The following DNM3 variants were observed in gnomAD, a reference collection of about 807,000 sequenced individuals.
DNM3 encodes dynamin 3, also known as dynamin-3.
In DNM3, 47 loss-of-function variants were observed where a neutral mutation model predicts 101.6. The ratio of observed to expected loss-of-function variants is 0.46; its 90% CI spans 0.37 to 0.59. DNM3 has a LOEUF of 0.59. Ranked by LOEUF, DNM3 falls within the 20% of genes least tolerant of loss-of-function variation. DNM3 has a pLI of 0.00. For missense variants in DNM3, 849 were observed against 1,085.7 expected, an observed-to-expected ratio of 0.78 and a Z score of 3.06; for synonymous variants, 385 against 387.9, an observed-to-expected ratio of 0.99 and a Z score of 0.09.
intron 2 of DNM3, among the ~76,000 whole-genome samples, chr1:171,983,253 G>T (rs530929421): frequency 6.6e-6 from 1 of 151,748 alleles, no homozygotes; most frequent in Admixed American, 6.6e-5. Flanking sequence ...CCAAGAGGTC[G>T]AGACCAGCCC....
chr1:172,009,002 A>T (rs1326703153), intron 4 of DNM3, among the ~76,000 whole-genome samples: 2 of 108,652 alleles, frequency 1.8e-5, no homozygotes, highest in African/African-American at 1.1e-4. Flanking sequence ...ACTTATTTAT[A>T]TATAACATGC....
intron 13 of DNM3, among the ~76,000 whole-genome samples, chr1:172,117,041 A>G (rs1244177738): frequency 6.6e-6 from 1 of 152,044 alleles, no homozygotes; most frequent in Non-Finnish European, 1.5e-5. Flanking sequence ...CCCTGTCTCT[A>G]CTAAAAATAC....
chr1:172,369,076 C>A (rs2068182489), intron 17 of DNM3, among the ~76,000 whole-genome samples: 1 of 151,912 alleles, frequency 6.6e-6, no homozygotes. Flanking sequence ...AACACCAATT[C>A]TTCTCAAACT....
At chr1:171,928,670 T>C (rs2040768108) in intron 2 of DNM3, among the ~76,000 whole-genome samples, 2 of 152,112 alleles carry the variant, frequency 1.3e-5, no homozygotes, top group Non-Finnish European at 2.9e-5. Flanking sequence ...GCAAGGGTAG[T>C]TCCACTGCAG....
Position 172,364,586 on chromosome 1 carries a change from A to C in DNM3, c.1894-14432A>C, listed in dbSNP as rs113473040. ...AGAAATAGAGAGATGGAGAAGTCTG[A>C]AGATTAAAATAGCCATAACAGAAAT... On this transcript the variant is annotated intron_variant, in intron 17 of 20. Coordinates refer to ENST00000627582, the MANE Select transcript of DNM3 (RefSeq NM_015569.5). 2.5e-3 allele frequency among the ~76,000 whole-genome samples: 378 copies of C among 152,014 alleles called. 1 individual carries two copies. Among genetic ancestry groups the C allele is most frequent in the African/African-American group, 8.7e-3 (361 of 41,512 alleles).
chr1:172,330,715 C>T (rs1393627097), intron 17 of DNM3, among the ~76,000 whole-genome samples: 1 of 151,664 alleles, frequency 6.6e-6, no homozygotes, highest in Non-Finnish European at 1.5e-5. Flanking sequence ...GAGGAAGATA[C>T]TTAAATAGAG....
At chr1:171,966,239 G>A (rs747046932) in intron 2 of DNM3, among the ~76,000 whole-genome samples, 33 of 152,272 alleles carry the variant, frequency 2.2e-4, no homozygotes, top group Admixed American at 3.3e-4. Flanking sequence ...CCCTGATGGT[G>A]CCCAGTCTAC....
chr1:172,135,321 G>A (rs1028293513), intron 14 of DNM3, among the ~76,000 whole-genome samples: 2 of 152,008 alleles, frequency 1.3e-5, no homozygotes, highest in African/African-American at 4.8e-5. Flanking sequence ...TTGAATGAAG[G>A]TGTCATTGAG....
At chr1:172,232,879 A>G (rs1390409040) in intron 14 of DNM3, among the ~76,000 whole-genome samples, 1 of 152,232 alleles carries the variant, frequency 6.6e-6, no homozygotes, top group Non-Finnish European at 1.5e-5. Context: ...TCTGGGACAC[A>G]TTTAAAGCAG....
intron 9 of DNM3, among the ~76,000 whole-genome samples, chr1:172,046,210 G>C (rs900036607): frequency 3.3e-5 from 5 of 152,092 alleles, no homozygotes; most frequent in Admixed American, 3.3e-4. Flanking sequence ...ATACACCATG[G>C]AATACTATGC....
chr1:172,194,519 A>G (rs2059872787), intron 14 of DNM3, among the ~76,000 whole-genome samples: 1 of 152,000 alleles, frequency 6.6e-6, no homozygotes, highest in South Asian at 2.1e-4. Flanking sequence ...GTCTCTAAGG[A>G]CTTGCTTTAT....
At chr1:172,111,144 A>G (rs999882375) in intron 13 of DNM3, among the ~76,000 whole-genome samples, 1 of 152,270 alleles carries the variant, frequency 6.6e-6, no homozygotes, top group Admixed American at 6.5e-5. Flanking sequence ...CAATTAGAGC[A>G]AACCACTGAA....
intron 9 of DNM3, 141 bp from the exon 10 acceptor site, chr1:172,048,470 AT>A: frequency 2.3e-6 from 2 of 887,116 alleles, no homozygotes; most frequent in Non-Finnish European, 3.2e-6. Context: ...CCACATAAAC[AT>A]TTTGGGCACT....
rs1007741351 is a variant in DNM3 at position 172,409,296 on chromosome 1, C to A, written c.*1455C>A. 1.0e-6 allele frequency: 1 copy of A among 985,182 alleles called. No homozygotes were observed. Among genetic ancestry groups the A allele is most frequent in the Non-Finnish European group, 1.2e-6 (1 of 829,842 alleles). The allele number at this position is 985,182 out of a possible 1,614,324, so 61.0% of individuals were successfully genotyped here. The stretch of plus-strand genomic sequence containing the variant: ...CTGAAATGTCTCCCTTTGAAAGTAG[C>A]AAACATGATTTGTATGTTAACTTAA... On this transcript the variant is annotated 3_prime_UTR_variant, in exon 21 of 21. Coordinates refer to ENST00000627582, the MANE Select transcript of DNM3 (RefSeq NM_015569.5).
intron 16 of DNM3, 94 bp from the exon 17 acceptor site, chr1:172,323,234 TA>T: frequency 7.8e-7 from 1 of 1,284,984 alleles, no homozygotes; most frequent in Non-Finnish European, 1.1e-6. Context: ...TTTTTTTTAA[TA>T]TCCAGAGAAA....
At chr1:171,931,226 T>C (rs898334453) in intron 2 of DNM3, among the ~76,000 whole-genome samples, 1 of 152,188 alleles carries the variant, frequency 6.6e-6, no homozygotes, top group African/African-American at 2.4e-5. Flanking sequence ...AAGATGGCAA[T>C]GCCTTAAAAA....
intron 14 of DNM3, among the ~76,000 whole-genome samples, chr1:172,242,442 G>C (rs1027198781): frequency 1.4e-4 from 22 of 152,046 alleles, no homozygotes; most frequent in African/African-American, 5.1e-4. Context: ...CAATTGTCTT[G>C]TGTACTTCTG....
At chr1:172,065,794 T>G (rs191625872) in intron 10 of DNM3, among the ~76,000 whole-genome samples, 84 of 152,304 alleles carry the variant, frequency 5.5e-4, no homozygotes, top group Non-Finnish European at 8.8e-5. Flanking sequence ...CTATATCCAC[T>G]GTTGAAATAT....
Position 172,081,843 on chromosome 1 carries a change from G to A in DNM3, c.1434G>A (p.Leu478=). 1 of 1,612,322 alleles carries A rather than the reference G, an allele frequency of 6.2e-7. No individual in the cohort carries two copies. The stretch of plus-strand genomic sequence containing the variant: ...TCTTTGACTTATAGGTATTGCTATT[G>A]ATTGACATTCAAGTCTCTTACATCA... ...EGKTKDQVLL[L]IDIQVSYINT... Residue 478 remains leucine, a synonymous_variant, in exon 12 of 21, where the codon TTG becomes TTA. Coordinates refer to ENST00000627582, the MANE Select transcript of DNM3 (RefSeq NM_015569.5).
Sources: allele counts gnomAD v4.1 joint callset (sites outside exome capture counted in the v4.1 genomes callset), GRCh38; gene constraint gnomAD v4.1.1; transcripts MANE v1.5; gene names NCBI Gene and HGNC (gene_info 2026-07-23, HGNC 2026-07-21).